The following CAST variants were observed in gnomAD, a reference collection of about 807,000 sequenced individuals.
The protein encoded by CAST is calpastatin, also known as MIR583 host.
A neutral mutation model predicts 119.6 loss-of-function variants in CAST; 76 were observed. That is an observed-to-expected ratio of 0.64 (90% CI 0.53 to 0.77). The LOEUF (loss-of-function observed/expected upper bound fraction) is 0.77. CAST is among the 30% of genes least tolerant of loss of function. The probability of loss-of-function intolerance (pLI) is 0.00; values close to 1 mark genes in which losing one functional copy is unlikely to be tolerated. For synonymous variants in CAST, 319 were observed against 331.6 expected (o/e 0.96, Z 0.41); for missense variants, 953 against 946.5 (o/e 1.01, Z -0.09).
chr5:96,286,679 A>G, the CAST span, among the ~76,000 whole-genome samples: 2 of 152,142 alleles, frequency 1.3e-5, no homozygotes, highest in African/African-American at 4.8e-5. Flanking sequence ...TATTTTTTTA[A>G]TTGCTAAGAA....
At chr5:96,342,607 T>C in the CAST span, among the ~76,000 whole-genome samples, 4 of 152,204 alleles carry the variant, frequency 2.6e-5, no homozygotes, top group Non-Finnish European at 5.9e-5. Flanking sequence ...CAGACCCTAA[T>C]TATAAAATGG....
intron 11 of CAST, 32 bp from the exon 12 acceptor site, chr5:96,740,006 A>G (rs888516507): frequency 2.0e-6 from 2 of 1,009,886 alleles, no homozygotes; most frequent in African/African-American, 1.6e-5. Context: ...AATTAATTAT[A>G]TAATATCCCT....
chr5:96,256,204 A>G, the CAST span, among the ~76,000 whole-genome samples: 1 of 148,430 alleles, frequency 6.7e-6, no homozygotes. Flanking sequence ...CATATTATAT[A>G]TAAACTTACA....
the CAST span, among the ~76,000 whole-genome samples, chr5:96,372,858 A>C: frequency 6.6e-6 from 1 of 152,160 alleles, no homozygotes; most frequent in African/African-American, 2.4e-5. Context: ...TTGCATCATC[A>C]TCTAGGAAGA....
At chr5:96,346,141 G>T in the CAST span, among the ~76,000 whole-genome samples, 1 of 152,104 alleles carries the variant, frequency 6.6e-6, no homozygotes, top group East Asian at 1.9e-4. Flanking sequence ...ACATTTAGAA[G>T]AATAAAATTG....
At chr5:96,748,457 C>CT (rs1470662210) in intron 18 of CAST, 61 bp from the exon 19 acceptor site, 484 of 832,672 alleles carry the variant, frequency 5.8e-4, no homozygotes, top group South Asian at 8.9e-4. Flanking sequence ...TCCATGAAAA[C>CT]TTTTTTTTTA....
At chr5:96,434,616 T>G in the CAST span, among the ~76,000 whole-genome samples, 14,075 of 142,356 alleles carry the variant, frequency 0.099, 740 homozygotes, top group African/African-American at 0.13. Flanking sequence ...TGTTTTTTTT[T>G]TTGTTGTTGT....
chr5:96,341,210 G>T, the CAST span, among the ~76,000 whole-genome samples: 8 of 151,992 alleles, frequency 5.3e-5, no homozygotes, highest in Non-Finnish European at 1.2e-4. Context: ...CTTCTTATTT[G>T]TCCCCTTGTC....
At chr5:96,190,253 G>T in the CAST span, among the ~76,000 whole-genome samples, 2 of 152,130 alleles carry the variant, frequency 1.3e-5, no homozygotes, top group Non-Finnish European at 2.9e-5. Context: ...AGGTGCCTGC[G>T]CTGGTTTTAT....
chr5:96,652,003 C>T (rs1748100317), intron 1 of CAST, among the ~76,000 whole-genome samples: 2 of 152,144 alleles, frequency 1.3e-5, no homozygotes, highest in African/African-American at 4.8e-5. Flanking sequence ...TTAGTAGGCT[C>T]ATGTTACAAA....
chr5:95,968,565 G>T, the CAST span, among the ~76,000 whole-genome samples: 3 of 152,164 alleles, frequency 2.0e-5, no homozygotes, highest in East Asian at 3.9e-4. Flanking sequence ...CTTCCCGCGG[G>T]ACTGTATCTC....
At chr5:95,985,518 A>C in the CAST span, among the ~76,000 whole-genome samples, 1 of 152,188 alleles carries the variant, frequency 6.6e-6, no homozygotes, top group Non-Finnish European at 1.5e-5. Flanking sequence ...CCTGGTTGGA[A>C]AGAAGTGAGG....
chr5:96,719,510 G>A (rs1478118399), intron 3 of CAST, among the ~76,000 whole-genome samples: 1 of 152,206 alleles, frequency 6.6e-6, no homozygotes, highest in Non-Finnish European at 1.5e-5. Flanking sequence ...TGAGTGGAGA[G>A]TAATTTCTAT....
chr5:96,650,068 G>C lies in CAST; in HGVS notation c.61-25471G>C, dbSNP rs117669346. Among the ~76,000 whole-genome samples, 2 of 152,322 alleles carry C rather than the reference G, an allele frequency of 1.3e-5. 1 individual carries two copies. The highest frequency in any genetic ancestry group is 4.1e-4 in the South Asian group (2 of 4,826). ...AGAGATTGAATAAATTACACAGTGA[G>C]GAAGTGGCAGAACCAGCCCTTTGCA... is the stretch of plus-strand genomic sequence containing the variant. On this transcript the variant is annotated intron_variant, in intron 1 of 11. Transcript: ENST00000505143.
the CAST span, among the ~76,000 whole-genome samples, chr5:96,293,291 G>A: frequency 6.6e-6 from 1 of 152,116 alleles, no homozygotes; most frequent in African/African-American, 2.4e-5. Context: ...TTGTTTGTTT[G>A]TTTTGAGACA....
the CAST span, among the ~76,000 whole-genome samples, chr5:96,328,716 T>A: frequency 2.6e-4 from 40 of 152,216 alleles, 1 homozygote; most frequent in Middle Eastern, 0.01. Flanking sequence ...GCCAAGCTCT[T>A]CTATGCTCTA....
the CAST span, among the ~76,000 whole-genome samples, chr5:96,080,692 A>G: frequency 1.3e-5 from 2 of 152,168 alleles, no homozygotes; most frequent in African/African-American, 2.4e-5. Context: ...TGTGGGAGAT[A>G]AGTTTAAATC....
the CAST span, among the ~76,000 whole-genome samples, chr5:96,229,802 A>T: frequency 6.6e-6 from 1 of 152,198 alleles, no homozygotes; most frequent in South Asian, 2.1e-4. Flanking sequence ...ACTGAAAAAA[A>T]TTCAAAATCC....
chr5:96,554,157 C>T (rs1426877528), intron 1 of CAST, among the ~76,000 whole-genome samples: 2 of 152,188 alleles, frequency 1.3e-5, no homozygotes, highest in Non-Finnish European at 2.9e-5. Context: ...TCAAACTTTA[C>T]TACAAGACTC....
Sources: gnomAD v4.1 joint callset for allele counts (sites outside exome capture counted in the v4.1 genomes callset) on GRCh38, gnomAD v4.1.1 for gene constraint, MANE v1.5 for transcripts, NCBI Gene and HGNC (gene_info 2026-07-23, HGNC 2026-07-21) for gene names.